The following ARHGAP6 variants were observed in gnomAD, a reference collection of about 807,000 sequenced individuals.
ARHGAP6 encodes rho GTPase-activating protein 6.
Under a neutral mutation model 55.7 loss-of-function variants are expected in ARHGAP6, and 16 were observed. The observed-to-expected ratio is 0.29, with a 90% CI of 0.19 to 0.44. The LOEUF is 0.44. ARHGAP6 is among the 20% of genes least tolerant of loss of function. ARHGAP6 has a pLI of 1.00. For missense variants in ARHGAP6, 698 were observed against 808.9 expected (o/e 0.86, Z 1.66); for synonymous variants, 382 against 360.9 (o/e 1.06, Z -0.66).
rs1281006485 is a variant in ARHGAP6 at position 11,185,771 on chromosome X, C to A, written c.1273+465G>T. 3.6e-5 allele frequency among the ~76,000 whole-genome samples: 4 copies of A among 111,906 alleles called. No homozygotes were observed. The Admixed American group carries it at 3.8e-4, about 11-fold the overall frequency. On this transcript the variant is annotated intron_variant, in intron 5 of 12. Coordinates refer to ENST00000337414, the MANE Select transcript of ARHGAP6 (RefSeq NM_013427.3). The stretch of plus-strand genomic sequence containing the variant: ...AAAAATGCAAATAGCAATATGTAAA[C>A]CTGTTGTCAAAAATGATGTATTTTC...
At chrX:11,230,659 G>GTA (rs1241715421) in intron 2 of ARHGAP6, among the ~76,000 whole-genome samples, 2 of 107,523 alleles carry the variant, frequency 1.9e-5, no homozygotes, top group Admixed American at 1.0e-4. Flanking sequence ...GTGTATATAC[G>GTA]TATATATGTG....
At position 11,664,229 on chromosome X, in the gene ARHGAP6, G is replaced by A; in HGVS notation, c.588+12C>T. ...CTCCTTGGGCCGTGGGACGCGCAGC[G>A]CTGGTCCCTACCTCGGATTTCCACA... On this transcript the variant is annotated intron_variant, in intron 1 of 12. Coordinates refer to ENST00000337414, the MANE Select transcript of ARHGAP6 (RefSeq NM_013427.3). 8.4e-7 allele frequency: 1 copy of A among 1,195,113 alleles called. No homozygotes were observed. Among genetic ancestry groups the A allele is most frequent in the Non-Finnish European group, 1.1e-6 (1 of 885,883 alleles).
rs1487322909 is a variant in ARHGAP6 at position 11,379,312 on chromosome X, G to C, written c.589-124605C>G. On this transcript the variant is annotated intron_variant, in intron 1 of 12. Transcript: ENST00000337414. ...AGTCAAAAGGCTGACTCCAGAGTCAGAGTTAGAGGGCACTGTCATGTTACC... is the reference window on the plus strand; with the variant it reads ...AGTCAAAAGGCTGACTCCAGAGTCACAGTTAGAGGGCACTGTCATGTTACC... Among the ~76,000 whole-genome samples the C allele has an allele frequency of 6.2e-4, 70 of 112,330 alleles. 1 individual carries two copies. Among genetic ancestry groups the C allele is most frequent in the Non-Finnish European group, 9.4e-5 (5 of 53,238 alleles).
At chrX:11,267,111 TGGA>T (rs2047636360) in intron 1 of ARHGAP6, among the ~76,000 whole-genome samples, 1 of 112,217 alleles carries the variant, frequency 8.9e-6, no homozygotes, top group East Asian at 2.8e-4. Flanking sequence ...TGGCTCATAC[TGGA>T]TACTCATCAA....
chrX:11,156,769 A>T (rs767795904), intron 9 of ARHGAP6, 143 bp from the exon 10 acceptor site: 15 of 454,209 alleles, frequency 3.3e-5, no homozygotes, highest in Non-Finnish European at 5.3e-5. Context: ...AACCAAACCT[A>T]CGCCAACCCA....
chrX:11,592,122 T>G (rs2051842649), intron 1 of ARHGAP6, among the ~76,000 whole-genome samples: 1 of 111,807 alleles, frequency 8.9e-6, no homozygotes, highest in African/African-American at 3.3e-5. Context: ...ACAAAGAGCC[T>G]GAGAGGGTTA....
At chrX:11,519,972 C>G (rs1259136007) in intron 1 of ARHGAP6, among the ~76,000 whole-genome samples, 1 of 93,659 alleles carries the variant, frequency 1.1e-5, no homozygotes, top group African/African-American at 4.0e-5. Flanking sequence ...GCAACAAAAG[C>G]CAAAATTGAC....
intron 2 of ARHGAP6, among the ~76,000 whole-genome samples, chrX:11,202,124 G>C (rs1331136999): frequency 9.2e-6 from 1 of 108,944 alleles, no homozygotes; most frequent in Non-Finnish European, 1.9e-5. Flanking sequence ...TTGGAGGTCA[G>C]TTAGCAGAGA....
rs889406688 is a variant in ARHGAP6, at chrX:11,141,175, C to A, written c.2257+1058G>T. Among the ~76,000 whole-genome samples, 7 of 110,958 alleles carry A rather than the reference C, an allele frequency of 6.3e-5. No individual in the cohort carries two copies. In the East Asian group the frequency reaches 2.0e-3, roughly 31 times the overall value. ...GAATATAAATATAAATATAAAACAACCAAACAAATAATTTACACATTTTAT... is the reference window on the plus strand; with the variant it reads ...GAATATAAATATAAATATAAAACAAACAAACAAATAATTTACACATTTTAT... On this transcript the variant is annotated intron_variant, in intron 12 of 12. Transcript: ENST00000337414.
At chrX:11,349,153 G>A (rs2048825329) in intron 1 of ARHGAP6, among the ~76,000 whole-genome samples, 1 of 109,436 alleles carries the variant, frequency 9.1e-6, no homozygotes, top group Admixed American at 9.8e-5. Context: ...TACTATTGGT[G>A]GGGGATTGAA....
At chrX:11,415,347 A>T (rs1455352332) in intron 1 of ARHGAP6, among the ~76,000 whole-genome samples, 1 of 111,630 alleles carries the variant, frequency 9.0e-6, no homozygotes, top group Non-Finnish European at 1.9e-5. Context: ...CTGTGGATTT[A>T]TGGGAACTGA....
chrX:11,205,058 T>G (rs1267939498), intron 2 of ARHGAP6, among the ~76,000 whole-genome samples: 1 of 111,217 alleles, frequency 9.0e-6, no homozygotes, highest in African/African-American at 3.3e-5. Context: ...GCTCAAGAAG[T>G]TAGTTGATCT....
At chrX:11,223,025 C>A (rs375237438) in intron 2 of ARHGAP6, 3 of 115,038 alleles carry the variant, frequency 2.6e-5, no homozygotes, top group Non-Finnish European at 5.4e-5. Context: ...TTTTTTGAAA[C>A]GATCTTTCCA....
rs373960658 is a variant in ARHGAP6 at position 11,149,721 on chromosome X, G to T, written c.1908-5473C>A. On this transcript the variant is annotated intron_variant, in intron 10 of 12. Transcript: ENST00000337414. ...TGAGCTTTGAAAGATTAAAAGAAAT[G>T]ATCTATGTGATATTTGGTAAGTTAA... 8.9e-5 allele frequency among the ~76,000 whole-genome samples: 10 copies of T among 112,156 alleles called. No individual in the cohort carries two copies. The East Asian group carries it at 2.2e-3, about 25-fold the overall frequency.
At chrX:11,555,480 G>A (rs1175350129) in intron 1 of ARHGAP6, among the ~76,000 whole-genome samples, 2 of 111,355 alleles carry the variant, frequency 1.8e-5, no homozygotes, top group South Asian at 3.8e-4. Context: ...GGGACAGGGC[G>A]TCGTGGCTCA....
At chrX:11,450,036 G>A (rs2050128938) in intron 1 of ARHGAP6, among the ~76,000 whole-genome samples, 1 of 111,407 alleles carries the variant, frequency 9.0e-6, no homozygotes, top group Non-Finnish European at 1.9e-5. Flanking sequence ...GACACTCACA[G>A]TTGTCACCAG....
chrX:11,258,061 T>C (rs1439032763), intron 1 of ARHGAP6, among the ~76,000 whole-genome samples: 1 of 111,379 alleles, frequency 9.0e-6, no homozygotes, highest in African/African-American at 3.3e-5. Context: ...CTGTTGGCAA[T>C]GCAAACCAGA....
intron 1 of ARHGAP6, among the ~76,000 whole-genome samples, chrX:11,354,327 C>CTCTCTATATATATATATATATA (rs1343744315): frequency 6.2e-5 from 2 of 32,350 alleles, no homozygotes; most frequent in African/African-American, 2.7e-4. Flanking sequence ...CTCTCTCTCT[C>CTCTCTATATATATATATATATA]TATATATATA....
intron 1 of ARHGAP6, among the ~76,000 whole-genome samples, chrX:11,402,246 T>C (rs2049558662): frequency 8.9e-6 from 1 of 112,119 alleles, no homozygotes; most frequent in Non-Finnish European, 1.9e-5. Flanking sequence ...TACGTTTGTC[T>C]GTCTCGTTTT....
Sources: gnomAD v4.1 joint callset for allele counts (sites outside exome capture counted in the v4.1 genomes callset) on GRCh38, gnomAD v4.1.1 for gene constraint, MANE v1.5 for transcripts, NCBI Gene and HGNC (gene_info 2026-07-23, HGNC 2026-07-21) for gene names.